Variants in SEPTIN9 observed in about 807,000 individuals in gnomAD.
SEPTIN9 encodes the protein septin 9.
Under a neutral mutation model 56.6 loss-of-function variants are expected in SEPTIN9, and 13 were observed. The ratio of observed to expected loss-of-function variants is 0.23; its 90% CI spans 0.15 to 0.37. SEPTIN9 has a LOEUF of 0.37. Ranked by LOEUF, SEPTIN9 falls within the 10% of genes least tolerant of loss-of-function variation. SEPTIN9 has a pLI of 1.00. For missense variants in SEPTIN9, 650 were observed against 823.1 expected (o/e 0.79, Z 2.57); for synonymous variants, 332 against 334.1 (o/e 0.99, Z 0.07).
chr17:77,414,942 G>A (rs1222473643), intron 3 of SEPTIN9, among the ~76,000 whole-genome samples: 2 of 152,148 alleles, frequency 1.3e-5, no homozygotes, highest in Non-Finnish European at 1.5e-5. Context: ...TCTCCACTTG[G>A]TGTCATGTTT....
intron 2 of SEPTIN9, chr17:77,374,452 G>A (rs1057044263): frequency 1.3e-5 from 2 of 152,286 alleles, no homozygotes; most frequent in African/African-American, 4.8e-5. Context: ...CGAAGGGGAA[G>A]CTCACACAAT....
chr17:77,437,687 C>T lies in SEPTIN9; in HGVS notation c.721+34984C>T, dbSNP rs1315491309. ...CAGTCATCCTTCTGGGGTGGCCAAA[C>T]TCCATGCTGCAAAAGCCCAAGTGAA... On this transcript the variant is annotated intron_variant, in intron 3 of 11. Coordinates refer to ENST00000427177, the MANE Select transcript of SEPTIN9 (RefSeq NM_001113491.2). This position sits in a 1 kb window ranked among gnomAD's most constrained non-coding sequence, Gnocchi z 5.3. Among the ~76,000 whole-genome samples the T allele has an allele frequency of 6.6e-6, 1 of 152,166 alleles. No homozygotes were observed. Among genetic ancestry groups the T allele is most frequent in the Non-Finnish European group, 1.5e-5 (1 of 68,028 alleles).
rs764646383 is a variant in SEPTIN9, at chr17:77,475,309, G to A, written c.722-6835G>A. 129 of 1,424,278 alleles carry A rather than the reference G, an allele frequency of 9.1e-5. No homozygotes were observed. The highest frequency in any genetic ancestry group is 1.1e-4 in the Non-Finnish European group (115 of 1,094,382). 88.2% of individuals were successfully genotyped at this position (1,424,278 alleles called of 1,614,324 possible). A position where few individuals can be genotyped will look rare whatever the true frequency, so the allele number is the denominator to read the frequency against. The stretch of plus-strand genomic sequence containing the variant: ...CTCTGTGTGGGAGCGGGGAGGGCAA[G>A]CCCTGGTTGCGAGGCAGGGCTTCCC... On this transcript the variant is annotated intron_variant, in intron 3 of 11. Transcript: ENST00000427177. The surrounding 1 kb of genome is among the most constrained non-coding windows in gnomAD (Gnocchi z 4.6).
intron 2 of SEPTIN9, among the ~76,000 whole-genome samples, chr17:77,336,888 T>C (rs1290586782): frequency 6.6e-6 from 1 of 152,200 alleles, no homozygotes; most frequent in Non-Finnish European, 1.5e-5. Context: ...TTTTTTAACA[T>C]GAATGGGTAT....
At chr17:77,440,281 A>G (rs778283627) in intron 3 of SEPTIN9, among the ~76,000 whole-genome samples, 8 of 151,780 alleles carry the variant, frequency 5.3e-5, no homozygotes, top group Non-Finnish European at 1.2e-4. Flanking sequence ...CAGCCTCCTA[A>G]GTAGCTGGGA....
intron 2 of SEPTIN9, among the ~76,000 whole-genome samples, chr17:77,324,282 A>T (rs1264095680): frequency 2.0e-5 from 3 of 152,198 alleles, no homozygotes; most frequent in Non-Finnish European, 4.4e-5. Context: ...GGCCATGTTC[A>T]TAGGCTCTGG....
intron 2 of SEPTIN9, among the ~76,000 whole-genome samples, chr17:77,378,910 A>G (rs1038931713): frequency 1.3e-5 from 2 of 151,832 alleles, no homozygotes; most frequent in Non-Finnish European, 2.9e-5. Flanking sequence ...AGCGCTGACA[A>G]TGAGGTGAGC....
rs964726600 is a variant in SEPTIN9, at chr17:77,433,020, C to T, written c.721+30317C>T. ...CCCCTGTCGCCGTGGCGGGGCTGTT[C>T]CCTCCTGCCCCTCCCCTCCCGCTGT... is the stretch of plus-strand genomic sequence containing the variant. On this transcript the variant is annotated intron_variant, in intron 3 of 11. Coordinates refer to ENST00000427177, the MANE Select transcript of SEPTIN9 (RefSeq NM_001113491.2). The surrounding 1 kb of genome is among the most constrained non-coding windows in gnomAD (Gnocchi z 6.4). 3.3e-5 allele frequency among the ~76,000 whole-genome samples: 5 copies of T among 152,162 alleles called. No individual in the cohort carries two copies. The highest frequency in any genetic ancestry group is 1.9e-4 in the East Asian group (1 of 5,186).
Position 77,487,513 on chromosome 17 carries a change from C to G in SEPTIN9, c.1003C>G (p.Arg335Gly). The G allele has an allele frequency of 6.2e-7, 1 of 1,613,546 alleles. No homozygotes were observed. The highest frequency in any genetic ancestry group is 8.5e-7 in the Non-Finnish European group (1 of 1,179,832). Reference sequence around the variant, plus strand: ...GTCGGTGCAGCCCACCTCAGAGGAGCGCATCCCCAAGACCATCGAGATCAA... The same window carrying G: ...GTCGGTGCAGCCCACCTCAGAGGAGGGCATCCCCAAGACCATCGAGATCAA... ...RKSVQPTSEE[R>G]IPKTIEIKSI... The change falls in exon 5 of 12, where the codon CGC (arginine) becomes GGC (glycine). Residue 335 changes from arginine (R) to glycine (G), a missense_variant. Physicochemically the swap from Arg to Gly is moderately radical, Grantham distance 125 (BLOSUM62 -2). Coordinates refer to ENST00000427177, the MANE Select transcript of SEPTIN9 (RefSeq NM_001113491.2). The surrounding 1 kb of genome is among the most constrained non-coding windows in gnomAD (Gnocchi z 4.3).
chr17:77,349,479 T>C (rs946549826), intron 2 of SEPTIN9, among the ~76,000 whole-genome samples: 1 of 152,220 alleles, frequency 6.6e-6, no homozygotes, highest in Non-Finnish European at 1.5e-5. Context: ...GTTTTTTCTT[T>C]CAGGACTTTA....
At chr17:77,373,742 G>A (rs1051145516) in intron 2 of SEPTIN9, 2 of 1,222,986 alleles carry the variant, frequency 1.6e-6, no homozygotes, top group Non-Finnish European at 2.1e-6. Context: ...GCCTACGTGG[G>A]GGACCCTGTT....
At chr17:77,432,033 C>T (rs1207566136) in intron 3 of SEPTIN9, among the ~76,000 whole-genome samples, 2 of 151,942 alleles carry the variant, frequency 1.3e-5, no homozygotes, top group African/African-American at 4.8e-5. Context: ...GAGGGTGGAC[C>T]CCAGCTGGGG....
intron 3 of SEPTIN9, among the ~76,000 whole-genome samples, chr17:77,416,212 A>G (rs1413763080): frequency 6.6e-6 from 1 of 152,164 alleles, no homozygotes; most frequent in African/African-American, 2.4e-5. Context: ...GCCTCACCCT[A>G]ATCCCAGCTG....
chr17:77,433,570 AG>A lies in SEPTIN9; in HGVS notation c.721+30868del. 6.6e-6 allele frequency among the ~76,000 whole-genome samples: 1 copy of A among 152,008 alleles called. No individual in the cohort carries two copies. Among genetic ancestry groups the A allele is most frequent in the South Asian group, 2.1e-4 (1 of 4,810 alleles). On this transcript the variant is annotated intron_variant, in intron 3 of 11. Coordinates refer to ENST00000427177, the MANE Select transcript of SEPTIN9 (RefSeq NM_001113491.2). The surrounding 1 kb of genome is among the most constrained non-coding windows in gnomAD (Gnocchi z 6.4). Reference sequence around the variant, plus strand: ...GGCCCAGCATGGCCATGCCGGAAATAGCAGCATCGTCCCCCTCACTGTCCTG... The same window carrying A: ...GGCCCAGCATGGCCATGCCGGAAATACAGCATCGTCCCCCTCACTGTCCTG...
intron 3 of SEPTIN9, chr17:77,454,413 G>A: frequency 1.0e-6 from 1 of 977,714 alleles, no homozygotes; most frequent in Non-Finnish European, 1.2e-6. Flanking sequence ...GCTTTCCCAG[G>A]AGGGCTCCCG....
chr17:77,403,936 C>G (rs1427126982), intron 3 of SEPTIN9, among the ~76,000 whole-genome samples: 4 of 152,106 alleles, frequency 2.6e-5, no homozygotes, highest in Admixed American at 2.6e-4. Flanking sequence ...CTCCCCATGC[C>G]CCTCCCCCAG....
intron 2 of SEPTIN9, among the ~76,000 whole-genome samples, chr17:77,328,096 C>A (rs571734319): frequency 1.5e-3 from 233 of 151,554 alleles, no homozygotes; most frequent in African/African-American, 5.4e-3. Flanking sequence ...ATCCCCATGC[C>A]CAGGGTGTCC....
Position 77,330,002 on chromosome 17 carries a change from C to T in SEPTIN9, c.76+22805C>T, listed in dbSNP as rs545497345. Among the ~76,000 whole-genome samples, 241 of 152,308 alleles carry T rather than the reference C, an allele frequency of 1.6e-3. No individual in the cohort carries two copies. Among genetic ancestry groups the T allele is most frequent in the African/African-American group, 5.7e-3 (238 of 41,572 alleles). The stretch of plus-strand genomic sequence containing the variant: ...TCCAGGCAACACAGTCGAGCTGCAG[C>T]CCCCGCTCCATCCCCAGCTGGGGCT... On this transcript the variant is annotated intron_variant, in intron 2 of 11. Coordinates refer to ENST00000427177, the MANE Select transcript of SEPTIN9 (RefSeq NM_001113491.2). This position sits in a 1 kb window ranked among gnomAD's most constrained non-coding sequence, Gnocchi z 4.4.
intron 2 of SEPTIN9, 78 bp from the exon 3 acceptor site, chr17:77,401,981 T>C: frequency 2.0e-6 from 3 of 1,473,386 alleles, no homozygotes; most frequent in Non-Finnish European, 2.8e-6. Flanking sequence ...CTTCCTCTGC[T>C]GCTCCTTAGC....
Sources: allele counts gnomAD v4.1 joint callset (sites outside exome capture counted in the v4.1 genomes callset), GRCh38; gene constraint gnomAD v4.1.1; non-coding constraint Gnocchi (gnomAD v3.1); transcripts MANE v1.5; gene names NCBI Gene and HGNC (gene_info 2026-07-23, HGNC 2026-07-21).